ITGB5: variants seen among roughly 807,000 people sequenced by gnomAD.
ITGB5 encodes integrin subunit beta 5.
A neutral mutation model predicts 84.8 loss-of-function variants in ITGB5; 38 were observed. The observed-to-expected ratio is 0.45, with a 90% CI of 0.35 to 0.59. The LOEUF (loss-of-function observed/expected upper bound fraction) is 0.59. ITGB5 is among the 20% of genes least tolerant of loss of function. The pLI is 0.01. For synonymous variants in ITGB5, 393 were observed against 414.4 expected (o/e 0.95, Z 0.63); for missense variants, 905 against 1,034.5 (o/e 0.87, Z 1.72).
chr3:124,786,344 G>A (rs1309298953), intron 10 of ITGB5, among the ~76,000 whole-genome samples: 1 of 151,840 alleles, frequency 6.6e-6, no homozygotes, highest in Non-Finnish European at 1.5e-5. Context: ...TGAGGCTGCA[G>A]TAGGCTACTG....
chr3:124,851,068 T>C (rs1337245488), intron 3 of ITGB5, among the ~76,000 whole-genome samples: 1 of 152,236 alleles, frequency 6.6e-6, no homozygotes, highest in African/African-American at 2.4e-5. Context: ...AATCTACTTC[T>C]ACTTTTTTAC....
At chr3:124,844,288 A>G (rs1485204782) in intron 4 of ITGB5, among the ~76,000 whole-genome samples, 1 of 151,450 alleles carries the variant, frequency 6.6e-6, no homozygotes, top group African/African-American at 2.4e-5. Flanking sequence ...GGCTGGGTGC[A>G]GTGGCTCACG....
intron 10 of ITGB5, among the ~76,000 whole-genome samples, chr3:124,783,197 A>G (rs1322824629): frequency 1.3e-5 from 2 of 149,890 alleles, no homozygotes; most frequent in African/African-American, 4.9e-5. Context: ...AGGCTGAGAC[A>G]TGATAATTGC....
chr3:124,774,513 A>G (rs1317969823), intron 10 of ITGB5, among the ~76,000 whole-genome samples: 1 of 152,154 alleles, frequency 6.6e-6, no homozygotes, highest in Non-Finnish European at 1.5e-5. Context: ...TGGAGGCTGG[A>G]AAGGCCAGGA....
chr3:124,807,081 T>G (rs911430450), intron 9 of ITGB5, among the ~76,000 whole-genome samples: 1 of 152,218 alleles, frequency 6.6e-6, no homozygotes, highest in Admixed American at 6.5e-5. Flanking sequence ...AACAGCAATG[T>G]CACCTTGTTC....
intron 9 of ITGB5, among the ~76,000 whole-genome samples, chr3:124,803,316 A>G (rs989249280): frequency 6.6e-6 from 1 of 152,000 alleles, no homozygotes; most frequent in Non-Finnish European, 1.5e-5. Flanking sequence ...AGCAGCCCCC[A>G]ACTTGGCTCC....
intron 2 of ITGB5, among the ~76,000 whole-genome samples, chr3:124,861,060 T>C (rs2065289541): frequency 6.6e-6 from 1 of 152,036 alleles, no homozygotes. Flanking sequence ...AGCAAGAGCC[T>C]GTCTCAGAAA....
chr3:124,818,388 G>A (rs2064640350), intron 7 of ITGB5, among the ~76,000 whole-genome samples: 2 of 151,998 alleles, frequency 1.3e-5, no homozygotes, highest in Admixed American at 1.3e-4. Context: ...TAGCTCTGAG[G>A]AAGGATGCTT....
At chr3:124,813,211 G>A (rs1462942885) in intron 8 of ITGB5, among the ~76,000 whole-genome samples, 1 of 152,154 alleles carries the variant, frequency 6.6e-6, no homozygotes, top group African/African-American at 2.4e-5. Context: ...CCGTTGGCCA[G>A]GACAGGAGCA....
In ITGB5 at chr3:124,859,370, T is replaced by A. The variant is rs1405242865; in HGVS notation, c.233A>T (p.Glu78Val). The change falls in exon 3 of 15, where the codon GAG becomes GTG. Residue 78 changes from glutamate (E) to valine (V), a missense_variant. Around this residue, in one of 3 missense-constraint regions of ITGB5, gnomAD observed 656 missense variants for 734.7 expected, o/e 0.89. Transcript: ENST00000296181. ...GAAGCTGCTGGCTGGGCTCTCTATC[T>A]CACCTCCACAGCCATTTTTGACAAG... ...ANLVKNGCGG[E>V]IESPASSFHV... 5 of 1,614,022 alleles carry A rather than the reference T, an allele frequency of 3.1e-6. No homozygotes were observed. In the South Asian group the frequency reaches 5.5e-5, roughly 18 times the overall value.
At chr3:124,777,628 T>A (rs1276051525) in intron 10 of ITGB5, among the ~76,000 whole-genome samples, 2 of 151,960 alleles carry the variant, frequency 1.3e-5, no homozygotes, top group Admixed American at 1.3e-4. Flanking sequence ...CTCATAGGAG[T>A]CTTCTCCAAG....
intron 3 of ITGB5, among the ~76,000 whole-genome samples, chr3:124,853,428 C>T (rs376373064): frequency 1.3e-5 from 2 of 152,238 alleles, no homozygotes; most frequent in South Asian, 4.1e-4. Flanking sequence ...AGAATTGTGA[C>T]TGTTGACCTA....
At chr3:124,867,577 A>G (rs1406049877) in intron 2 of ITGB5, among the ~76,000 whole-genome samples, 3 of 152,240 alleles carry the variant, frequency 2.0e-5, no homozygotes, top group Admixed American at 2.0e-4. Flanking sequence ...AGCTGCCAGT[A>G]CACCAAGCCC....
intron 5 of ITGB5, among the ~76,000 whole-genome samples, chr3:124,822,602 C>T (rs969207158): frequency 6.6e-6 from 1 of 152,200 alleles, no homozygotes; most frequent in East Asian, 1.9e-4. Context: ...AGCCCGCCAA[C>T]ATGAGGAGGA....
At chr3:124,799,544 A>T (rs1477230113) in intron 9 of ITGB5, among the ~76,000 whole-genome samples, 1 of 152,190 alleles carries the variant, frequency 6.6e-6, no homozygotes, top group Non-Finnish European at 1.5e-5. Flanking sequence ...TGGACGACAG[A>T]GTGAGATCTT....
Position 124,864,090 on chromosome 3 carries a change from A to G in ITGB5, c.157-4644T>C, listed in dbSNP as rs1457638189. Among the ~76,000 whole-genome samples the G allele has an allele frequency of 3.8e-5, 5 of 132,452 alleles. 1 individual carries two copies. The South Asian group carries it at 1.2e-3, about 33-fold the overall frequency. 86.9% of individuals were successfully genotyped at this position (132,452 alleles called of 152,430 possible). On this transcript the variant is annotated intron_variant, in intron 2 of 14. Transcript: ENST00000296181. The stretch of plus-strand genomic sequence containing the variant: ...AGAAAGAAAAAATGTCTCAAGACCT[A>G]TATTTCTTTTTTTTTTTTTTTTTTT...
Position 124,769,053 on chromosome 3 carries a change from G to A in ITGB5, c.1977C>T (p.Ser659=). The A allele has an allele frequency of 6.2e-7, 1 of 1,613,982 alleles. No homozygotes were observed. Residue 659 remains serine (S), a synonymous_variant, in exon 12 of 15, where the codon AGC becomes AGT. Coordinates refer to ENST00000296181, the MANE Select transcript of ITGB5 (RefSeq NM_002213.5). ...SGKPDNQTCH[S]LCRDEVITWV... is the part of the protein sequence containing the mutation. ...ATGTGATCACCTCATCCCTGCATAGGCTGTGGCAGGTCTGGTTGTCAGGTT... is the reference window on the plus strand; with the variant it reads ...ATGTGATCACCTCATCCCTGCATAGACTGTGGCAGGTCTGGTTGTCAGGTT...
intron 9 of ITGB5, among the ~76,000 whole-genome samples, chr3:124,798,200 G>A (rs535538183): frequency 1.6e-4 from 24 of 150,714 alleles, no homozygotes; most frequent in Admixed American, 4.0e-4. Flanking sequence ...TTACAGGTGC[G>A]CGCCACCACA....
At position 124,764,512 on chromosome 3, in the gene ITGB5, A is replaced by C. The variant is rs1340432439; in HGVS notation, c.2183T>G (p.Val728Gly). 6.2e-7 allele frequency: 1 copy of C among 1,613,704 alleles called. No homozygotes were observed. Among genetic ancestry groups the C allele is most frequent in the Non-Finnish European group, 8.5e-7 (1 of 1,179,848 alleles). ...AAGCCCAACAAGGAGGATGCTACCGACCACAGCCAGGAGGATGGTCATGGC... is the reference window on the plus strand; with the variant it reads ...AAGCCCAACAAGGAGGATGCTACCGCCCACAGCCAGGAGGATGGTCATGGC... ...PNAMTILLAV[V>G]GSILLVGLAL... The change falls in exon 14 of 15, where the codon GTC becomes GGC. Residue 728 changes from valine to glycine, a missense_variant. By Grantham distance (109) the Val-to-Gly change is moderately radical. Coordinates refer to ENST00000296181, the MANE Select transcript of ITGB5 (RefSeq NM_002213.5).
Sources: allele counts gnomAD v4.1 joint callset (sites outside exome capture counted in the v4.1 genomes callset), GRCh38; gene constraint gnomAD v4.1.1; regional missense constraint gnomAD v4.1.1; transcripts MANE v1.5; gene names NCBI Gene and HGNC (gene_info 2026-07-23, HGNC 2026-07-21).